The following CYB5R3 variants were observed in gnomAD, a reference collection of about 807,000 sequenced individuals.
The protein encoded by CYB5R3 is cytochrome b5 reductase 3.
Under a neutral mutation model 36.5 loss-of-function variants are expected in CYB5R3, and 28 were observed. That is an observed-to-expected ratio of 0.77 (90% CI 0.57 to 1.05). CYB5R3 has a LOEUF of 1.05. Among genes scored for constraint, CYB5R3 ranks in the 50% least tolerant of loss-of-function variants. The pLI, the probability that CYB5R3 is intolerant of heterozygous loss-of-function variation, is 0.00. For synonymous variants in CYB5R3, 181 were observed against 159.8 expected, an observed-to-expected ratio of 1.13 and a Z score of -1.00; for missense variants, 474 against 408.9, an observed-to-expected ratio of 1.16 and a Z score of -1.37.
At chr22:42,629,112 ATCC>A (rs1056978149) in intron 4 of CYB5R3, among the ~76,000 whole-genome samples, 5 of 152,076 alleles carry the variant, frequency 3.3e-5, no homozygotes, top group African/African-American at 1.2e-4. Context: ...CTCAATTTGA[ATCC>A]TCCTAATAGC....
chr22:42,641,894 G>A (rs1174902912), intron 1 of CYB5R3, among the ~76,000 whole-genome samples: 2 of 152,150 alleles, frequency 1.3e-5, no homozygotes, highest in African/African-American at 4.8e-5. Context: ...ACAGTACTGG[G>A]ATTACAGGCA....
At chr22:42,647,123 C>T in intron 1 of CYB5R3, 1 of 297,902 alleles carries the variant, frequency 3.4e-6, no homozygotes, top group Non-Finnish European at 5.0e-6. Context: ...CTGTGGGGAG[C>T]CCGTAAGCCA....
Position 42,623,727 on chromosome 22 carries a change from G to C in CYB5R3, c.733+62C>G, listed in dbSNP as rs8190462. 8,030 of 1,408,962 alleles carry C rather than the reference G, an allele frequency of 5.7e-3. 36 individuals are homozygous for C. The highest frequency in any genetic ancestry group is 7.0e-3 in the Non-Finnish European group (6,930 of 994,308). The allele number at this position is 1,408,962 out of a possible 1,614,324, so 87.3% of individuals were successfully genotyped here. On this transcript the variant is annotated intron_variant, in intron 8 of 8. Coordinates refer to ENST00000352397, the MANE Select transcript of CYB5R3 (RefSeq NM_000398.7). ...AAAGGCTCAACGCCACAAACAGCTG[G>C]GCAAAGGTGAACTGTGGGCTGGCAC...
At chr22:42,648,721 C>T (rs1353847857) in intron 1 of CYB5R3, among the ~76,000 whole-genome samples, 1 of 152,146 alleles carries the variant, frequency 6.6e-6, no homozygotes, top group South Asian at 2.1e-4. Context: ...AGGATGCCCC[C>T]GTGTCATCCG....
chr22:42,627,506 T>G, intron 6 of CYB5R3, 99 bp downstream of exon 6: 2 of 1,466,358 alleles, frequency 1.4e-6, no homozygotes, highest in Non-Finnish European at 1.9e-6. Flanking sequence ...GCCCCTGACC[T>G]CTGGTAGCTC....
At chr22:42,648,805 G>A (rs1212949555) in intron 1 of CYB5R3, among the ~76,000 whole-genome samples, 1 of 151,980 alleles carries the variant, frequency 6.6e-6, no homozygotes, top group African/African-American at 2.4e-5. Flanking sequence ...ACGTTCAGTC[G>A]CAGTCAGTGA....
In CYB5R3 at chr22:42,647,130, G is replaced by A. The variant is rs1929573047; in HGVS notation, c.21+2165C>T. 1.2e-5 allele frequency: 3 copies of A among 245,028 alleles called. No homozygotes were observed. The South Asian group carries it at 4.5e-4, about 37-fold the overall frequency. The allele number at this position is 245,028 out of a possible 1,614,324, so 15.2% of individuals were successfully genotyped here. On this transcript the variant is annotated intron_variant, in intron 1 of 8. Transcript: ENST00000352397. ...CCTCCAGACTGTGGGGAGCCCGTAA[G>A]CCAGGAGGCCTGGCTCAGAATGTGC...
chr22:42,642,327 T>G (rs1929321628), intron 1 of CYB5R3, among the ~76,000 whole-genome samples: 1 of 152,204 alleles, frequency 6.6e-6, no homozygotes, highest in Non-Finnish European at 1.5e-5. Flanking sequence ...TTGCCCAGGC[T>G]AATCTCAAAC....
At position 42,628,122 on chromosome 22, in the gene CYB5R3, G is replaced by A. The variant is rs370914432; in HGVS notation, c.463+30C>T. On this transcript the variant is annotated intron_variant, in intron 5 of 8. Coordinates refer to ENST00000352397, the MANE Select transcript of CYB5R3 (RefSeq NM_000398.7). ...AGCTCTCCAATTCTCTGAGCCTGCC[G>A]TGTAACCAAGGGATTCCGACCCGAA... 1.2e-4 allele frequency: 189 copies of A among 1,613,296 alleles called. 1 individual carries two copies. The African/African-American group carries it at 1.9e-3, about 16-fold the overall frequency.
At chr22:42,641,961 C>G (rs9620076) in intron 1 of CYB5R3, among the ~76,000 whole-genome samples, 2,043 of 152,266 alleles carry the variant, frequency 0.013, 46 homozygotes, top group African/African-American at 0.047. Flanking sequence ...CAGCCCCTAA[C>G]CCCCATACCA....
intron 4 of CYB5R3, among the ~76,000 whole-genome samples, chr22:42,628,500 G>C (rs554788459): frequency 6.6e-6 from 1 of 152,222 alleles, no homozygotes; most frequent in East Asian, 1.9e-4. Flanking sequence ...TGACATATCC[G>C]GGGAAAGCAA....
chr22:42,623,742 T>TG (rs1177775182), intron 8 of CYB5R3, 47 bp downstream of exon 8: 2 of 1,498,786 alleles, frequency 1.3e-6, no homozygotes, highest in Admixed American at 1.7e-5. Context: ...AGGTGAACTG[T>TG]GGGCTGGCAC....
chr22:42,643,322 C>A (rs1424124946), intron 1 of CYB5R3, among the ~76,000 whole-genome samples: 2 of 152,236 alleles, frequency 1.3e-5, no homozygotes, highest in East Asian at 3.9e-4. Context: ...CCTGGGAAGT[C>A]CCGGCTCACA....
intron 1 of CYB5R3, chr22:42,647,076 A>G (rs1929571369): frequency 4.4e-6 from 3 of 687,962 alleles, no homozygotes; most frequent in African/African-American, 3.9e-5. Context: ...TAGATAAGAC[A>G]CCTAGAGCAC....
Position 42,627,702 on chromosome 22 carries a change from A to G in CYB5R3, c.464-14T>C, listed in dbSNP as rs1928361822. 2 of 1,593,784 alleles carry G rather than the reference A, an allele frequency of 1.3e-6. No individual in the cohort carries two copies. Among genetic ancestry groups the G allele is most frequent in the Non-Finnish European group, 1.7e-6 (2 of 1,161,504 alleles). ...TGGCGAACTTCCCTGGGGAGAGAGA[A>G]GGGGTGAGGCCCGGCCATCAAACAT... On this transcript the variant is annotated splice_polypyrimidine_tract_variant and intron_variant, in intron 5 of 8. Coordinates refer to ENST00000352397, the MANE Select transcript of CYB5R3 (RefSeq NM_000398.7).
intron 1 of CYB5R3, among the ~76,000 whole-genome samples, chr22:42,645,602 G>C (rs1929501246): frequency 6.6e-6 from 1 of 152,150 alleles, no homozygotes; most frequent in Non-Finnish European, 1.5e-5. Context: ...CTTCCTTCCA[G>C]TGTCTGCTCC....
intron 4 of CYB5R3, among the ~76,000 whole-genome samples, chr22:42,628,880 G>A (rs1036047636): frequency 4.6e-5 from 7 of 152,116 alleles, no homozygotes; most frequent in African/African-American, 7.2e-5. Context: ...GAGGGACAGC[G>A]TGTACACAGT....
At chr22:42,623,505 G>A (rs1262089290) in intron 8 of CYB5R3, among the ~76,000 whole-genome samples, 1 of 152,170 alleles carries the variant, frequency 6.6e-6, no homozygotes, top group African/African-American at 2.4e-5. Context: ...GGGAGGGGAC[G>A]CTGGCCTTCT....
chr22:42,649,104 T>C (rs994392019), intron 1 of CYB5R3, among the ~76,000 whole-genome samples, 191 bp downstream of exon 1: 2 of 152,072 alleles, frequency 1.3e-5, no homozygotes, highest in Admixed American at 6.5e-5. Context: ...AGGGCGTAAG[T>C]AGCGGTCACC....
Sources: allele counts gnomAD v4.1 joint callset (sites outside exome capture counted in the v4.1 genomes callset), GRCh38; gene constraint gnomAD v4.1.1; transcripts MANE v1.5; gene names NCBI Gene and HGNC (gene_info 2026-07-23, HGNC 2026-07-21).